SHISA6: variants seen among roughly 807,000 people sequenced by gnomAD.
The protein encoded by SHISA6 is protein shisa-6.
A neutral mutation model predicts 47.9 loss-of-function variants in SHISA6; 22 were observed. The observed-to-expected ratio is 0.46, with a 90% CI of 0.33 to 0.66. SHISA6 has a LOEUF of 0.66. SHISA6 is among the 30% of genes least tolerant of loss of function. The pLI, the probability that SHISA6 is intolerant of heterozygous loss-of-function variation, is 0.02. For missense variants in SHISA6, 680 were observed against 764.6 expected (o/e 0.89, Z 1.30); for synonymous variants, 388 against 337.8 (o/e 1.15, Z -1.63).
intron 2 of SHISA6, among the ~76,000 whole-genome samples, chr17:11,328,570 ACACT>A (rs1384580717): frequency 5.9e-5 from 9 of 152,262 alleles, no homozygotes; most frequent in African/African-American, 2.2e-4. Context: ...TATGTAGGAA[ACACT>A]CAATAAATAA....
chr17:11,421,533 G>GTCT (rs1914451984), intron 3 of SHISA6, among the ~76,000 whole-genome samples: 1 of 152,148 alleles, frequency 6.6e-6, no homozygotes, highest in South Asian at 2.1e-4. Context: ...ACCATTCGCT[G>GTCT]TCTCCATTTT....
At chr17:11,339,710 T>C (rs545615860) in intron 2 of SHISA6, among the ~76,000 whole-genome samples, 1 of 152,198 alleles carries the variant, frequency 6.6e-6, no homozygotes. Flanking sequence ...AATTAAGGGT[T>C]CATGTGTAAA....
chr17:11,410,631 C>T (rs1010544576), intron 3 of SHISA6, among the ~76,000 whole-genome samples: 19 of 82,504 alleles, frequency 2.3e-4, no homozygotes, highest in South Asian at 1.6e-3. Context: ...GGATATTGGA[C>T]GCCCCCTTCA....
intron 3 of SHISA6, among the ~76,000 whole-genome samples, chr17:11,532,509 G>C (rs912625710): frequency 1.3e-5 from 2 of 152,186 alleles, no homozygotes; most frequent in Non-Finnish European, 2.9e-5. Flanking sequence ...GCGCACGCGC[G>C]TATGTGTGTA....
intron 3 of SHISA6, among the ~76,000 whole-genome samples, chr17:11,435,321 A>ACT (rs1914907207): frequency 1.3e-5 from 2 of 152,306 alleles, no homozygotes; most frequent in South Asian, 4.1e-4. Flanking sequence ...CTGAGGTCTG[A>ACT]ACAGGAAAAT....
At chr17:11,399,018 A>C (rs1165508886) in intron 3 of SHISA6, among the ~76,000 whole-genome samples, 1 of 151,732 alleles carries the variant, frequency 6.6e-6, no homozygotes, top group Non-Finnish European at 1.5e-5. Flanking sequence ...TGGAAAGATC[A>C]CTTGCTGTAT....
chr17:11,447,170 T>G (rs775380664), intron 3 of SHISA6, among the ~76,000 whole-genome samples: 3 of 152,202 alleles, frequency 2.0e-5, no homozygotes, highest in Non-Finnish European at 4.4e-5. Context: ...TGATACACAT[T>G]AGAACACAAG....
At chr17:11,280,057 A>G (rs1004576803) in intron 2 of SHISA6, among the ~76,000 whole-genome samples, 2 of 152,326 alleles carry the variant, frequency 1.3e-5, no homozygotes, top group Admixed American at 1.3e-4. Flanking sequence ...TTTTCTAAGA[A>G]GGAGCGAAAT....
intron 3 of SHISA6, among the ~76,000 whole-genome samples, chr17:11,460,918 T>C (rs182361160): frequency 8.5e-5 from 13 of 152,334 alleles, no homozygotes; most frequent in African/African-American, 3.1e-4. Flanking sequence ...CCATAATGAA[T>C]GGATTGCAAC....
chr17:11,274,026 A>G (rs1441397001), intron 2 of SHISA6, among the ~76,000 whole-genome samples: 4 of 152,238 alleles, frequency 2.6e-5, no homozygotes, highest in Non-Finnish European at 5.9e-5. Context: ...TGTGCCCAGA[A>G]GCAAAGCTTT....
chr17:11,433,080 TA>T (rs1469428351), intron 3 of SHISA6, among the ~76,000 whole-genome samples: 4 of 152,200 alleles, frequency 2.6e-5, no homozygotes, highest in African/African-American at 7.2e-5. Context: ...ATACAGCTAT[TA>T]TATATATCTT....
At chr17:11,521,336 A>G (rs946249366) in intron 3 of SHISA6, among the ~76,000 whole-genome samples, 6 of 152,196 alleles carry the variant, frequency 3.9e-5, no homozygotes, top group Admixed American at 2.6e-4. Flanking sequence ...CCCAATATCA[A>G]TTCATCCTTA....
At chr17:11,378,728 G>A (rs1912901652) in intron 2 of SHISA6, among the ~76,000 whole-genome samples, 1 of 152,170 alleles carries the variant, frequency 6.6e-6, no homozygotes, top group Admixed American at 6.5e-5. Context: ...AAGCAGGCAG[G>A]GGATAGTGTC....
chr17:11,296,822 T>C (rs1015391994), intron 2 of SHISA6, among the ~76,000 whole-genome samples: 1 of 150,550 alleles, frequency 6.6e-6, no homozygotes, highest in African/African-American at 2.5e-5. Flanking sequence ...AGAAAGGGAG[T>C]AGAAGGAAAT....
intron 3 of SHISA6, among the ~76,000 whole-genome samples, chr17:11,528,776 G>T (rs2071708463): frequency 6.6e-6 from 1 of 152,152 alleles, no homozygotes; most frequent in South Asian, 2.1e-4. Flanking sequence ...CATAACAGAA[G>T]CCTGCATGAC....
intron 3 of SHISA6, among the ~76,000 whole-genome samples, chr17:11,420,552 G>A (rs2142280862): frequency 6.6e-6 from 1 of 152,284 alleles, no homozygotes. Flanking sequence ...ATAGGTCACA[G>A]CCTCCGCAGC....
intron 3 of SHISA6, among the ~76,000 whole-genome samples, chr17:11,524,007 CAAAGAAA>C (rs991397134): frequency 3.6e-5 from 4 of 110,960 alleles, no homozygotes; most frequent in Non-Finnish European, 7.4e-5. Flanking sequence ...AACTCGGTCT[CAAAGAAA>C]AAAGAAAAAA....
intron 3 of SHISA6, among the ~76,000 whole-genome samples, chr17:11,537,656 G>C (rs1056567752): frequency 1.3e-5 from 2 of 152,178 alleles, no homozygotes; most frequent in African/African-American, 4.8e-5. Context: ...AGGAAGCTCA[G>C]ATAAGCAATC....
chr17:11,455,314 A>G (rs1410684151), intron 3 of SHISA6, among the ~76,000 whole-genome samples: 1 of 152,246 alleles, frequency 6.6e-6, no homozygotes, highest in Non-Finnish European at 1.5e-5. Flanking sequence ...CACCTACTTC[A>G]TAAGGTTAGA....
Sources: allele counts gnomAD v4.1 joint callset (sites outside exome capture counted in the v4.1 genomes callset), GRCh38; gene constraint gnomAD v4.1.1; transcripts MANE v1.5; gene names NCBI Gene and HGNC (gene_info 2026-07-23, HGNC 2026-07-21).